The following ZC2HC1B variants were observed in gnomAD, a reference collection of about 807,000 sequenced individuals.
The protein encoded by ZC2HC1B is zinc finger C2HC domain-containing protein 1B.
Under a neutral mutation model 31.0 loss-of-function variants are expected in ZC2HC1B, and 36 were observed. The ratio of observed to expected loss-of-function variants is 1.16; its 90% CI spans 0.89 to 1.54. The LOEUF (loss-of-function observed/expected upper bound fraction) is 1.54, where lower values mean the gene tolerates loss of function less well. Ranked by LOEUF, ZC2HC1B falls within the 40% of genes most tolerant of loss-of-function variation. The pLI, the probability that ZC2HC1B is intolerant of heterozygous loss-of-function variation, is 0.00. For missense variants in ZC2HC1B, 260 were observed against 268.6 expected (o/e 0.97, Z 0.22); for synonymous variants, 73 against 88.0 (o/e 0.83, Z 0.95).
intron 6 of ZC2HC1B, among the ~76,000 whole-genome samples, chr6:143,916,425 A>G (rs1393905146): frequency 3.3e-5 from 5 of 152,222 alleles, no homozygotes; most frequent in Non-Finnish European, 5.9e-5. Flanking sequence ...GCCCCCACAC[A>G]GAGTCCCTAC....
intron 1 of ZC2HC1B, among the ~76,000 whole-genome samples, chr6:143,879,742 A>G (rs2128493627): frequency 6.6e-6 from 1 of 150,588 alleles, no homozygotes; most frequent in South Asian, 2.1e-4. Context: ...TTCAATTTTA[A>G]TCTAACCCTA....
At chr6:143,912,407 C>T (rs183680599) in intron 6 of ZC2HC1B, among the ~76,000 whole-genome samples, 10 of 152,222 alleles carry the variant, frequency 6.6e-5, no homozygotes, top group Admixed American at 6.5e-4. Flanking sequence ...GGCTTATCTA[C>T]CTTTGATTTT....
chr6:143,907,995 T>G (rs1269113316), intron 6 of ZC2HC1B, among the ~76,000 whole-genome samples: 1 of 152,216 alleles, frequency 6.6e-6, no homozygotes, highest in Non-Finnish European at 1.5e-5. Context: ...TCTCTGCATA[T>G]GGCTGGCCAG....
At chr6:143,912,861 T>C (rs748900874) in intron 6 of ZC2HC1B, among the ~76,000 whole-genome samples, 1 of 151,996 alleles carries the variant, frequency 6.6e-6, no homozygotes, top group Non-Finnish European at 1.5e-5. Flanking sequence ...AATGGCCAAG[T>C]TGGCAGCCTG....
rs530746682 is a variant in ZC2HC1B at position 143,869,443 on chromosome 6, C to G, written c.28+4876C>G. 6.6e-6 allele frequency among the ~76,000 whole-genome samples: 1 copy of G among 152,206 alleles called. No individual in the cohort carries two copies. The highest frequency in any genetic ancestry group is 2.4e-5 in the African/African-American group (1 of 41,454). ...TGGTGAGACCAGTGAATTCCATGAG[C>G]ATGCGCCCACTGCTGCACTTCTTTA... On this transcript the variant is annotated intron_variant, in intron 1 of 7. Transcript: ENST00000237275. This position sits in a 1 kb window ranked among gnomAD's most constrained non-coding sequence, Gnocchi z 5.2.
At position 143,886,090 on chromosome 6, in the gene ZC2HC1B, CTTTGA is replaced by C. The variant is rs1777528123; in HGVS notation, c.150_154del (p.Leu51AlafsTer7). 6.5e-7 allele frequency: 1 copy of C among 1,549,118 alleles called. No individual in the cohort carries two copies. Among genetic ancestry groups the C allele is most frequent in the Non-Finnish European group, 8.7e-7 (1 of 1,146,196 alleles). On this transcript the variant is annotated frameshift_variant, in exon 3 of 8. Transcript: ENST00000237275. LOFTEE classifies it high-confidence loss of function. The surrounding 1 kb of genome is among the most constrained non-coding windows in gnomAD (Gnocchi z 4.2). ...AACAGAAAGCGTAAACCTTTCAGTT[CTTTGA>C]AGCAAAGATTACAGGGCACTGACAT...
chr6:143,926,957 C>CCCGCCACCGCGA (rs1231402803), intron 6 of ZC2HC1B, among the ~76,000 whole-genome samples: 1 of 133,872 alleles, frequency 7.5e-6, no homozygotes, highest in Non-Finnish European at 1.6e-5. Flanking sequence ...ACTACAGGCG[C>CCCGCCACCGCGA]CCGGCTAATT....
At chr6:143,900,354 C>T (rs1436077382) in intron 5 of ZC2HC1B, among the ~76,000 whole-genome samples, 1 of 146,984 alleles carries the variant, frequency 6.8e-6, no homozygotes, top group African/African-American at 2.5e-5. Flanking sequence ...CATGCCATTG[C>T]ACTCCAGCCT....
At chr6:143,891,684 ACT>A (rs1170101566) in intron 4 of ZC2HC1B, among the ~76,000 whole-genome samples, 3 of 149,380 alleles carry the variant, frequency 2.0e-5, no homozygotes, top group South Asian at 2.1e-4. Flanking sequence ...CAAGAGCGAA[ACT>A]CTGTCTCAAA....
intron 4 of ZC2HC1B, among the ~76,000 whole-genome samples, chr6:143,891,878 G>A (rs1243129051): frequency 1.3e-5 from 2 of 150,954 alleles, no homozygotes; most frequent in African/African-American, 2.5e-5. Context: ...AACTTGGTAT[G>A]GTGTATCAAT....
intron 4 of ZC2HC1B, among the ~76,000 whole-genome samples, chr6:143,894,581 T>C (rs1777640578): frequency 6.6e-6 from 1 of 152,158 alleles, no homozygotes; most frequent in Non-Finnish European, 1.5e-5. Context: ...TACCAGAAAA[T>C]AATCCTCATA....
intron 1 of ZC2HC1B, among the ~76,000 whole-genome samples, chr6:143,874,023 A>G (rs1777377420): frequency 6.6e-6 from 1 of 152,132 alleles, no homozygotes; most frequent in African/African-American, 2.4e-5. Flanking sequence ...TTTATCGTCT[A>G]TTTCCCTTTT....
intron 6 of ZC2HC1B, among the ~76,000 whole-genome samples, chr6:143,932,489 T>C (rs1441403680): frequency 1.3e-5 from 2 of 152,238 alleles, no homozygotes; most frequent in African/African-American, 4.8e-5. Context: ...TAAGTGTGTC[T>C]TTCATTTCCA....
rs1777300598 is a variant in ZC2HC1B at position 143,868,693 on chromosome 6, A to G, written c.28+4126A>G. 6.6e-6 allele frequency among the ~76,000 whole-genome samples: 1 copy of G among 152,160 alleles called. No individual in the cohort carries two copies. The highest frequency in any genetic ancestry group is 2.4e-5 in the African/African-American group (1 of 41,432). On this transcript the variant is annotated intron_variant, in intron 1 of 7. Coordinates refer to ENST00000237275, the MANE Select transcript of ZC2HC1B (RefSeq NM_001013623.3). This position sits in a 1 kb window ranked among gnomAD's most constrained non-coding sequence, Gnocchi z 4.2. ...ACAAGTCTACCTCTTGTCAACTTCA[A>G]CCCATACCCATCTCCTGAGATCATA...
chr6:143,894,924 A>C (rs972990271), intron 4 of ZC2HC1B, among the ~76,000 whole-genome samples: 2 of 152,160 alleles, frequency 1.3e-5, no homozygotes, highest in African/African-American at 4.8e-5. Context: ...CTCTAAAAAA[A>C]ATTCCTTTTG....
At chr6:143,896,556 AC>A (rs1203713900) in intron 4 of ZC2HC1B, among the ~76,000 whole-genome samples, 1 of 152,204 alleles carries the variant, frequency 6.6e-6, no homozygotes, top group African/African-American at 2.4e-5. Flanking sequence ...GTAGTTGGAA[AC>A]ACAACCTTGC....
intron 4 of ZC2HC1B, among the ~76,000 whole-genome samples, chr6:143,890,183 T>C (rs1777579467): frequency 6.6e-6 from 1 of 152,028 alleles, no homozygotes; most frequent in Non-Finnish European, 1.5e-5. Flanking sequence ...GCTTTAAATG[T>C]TTATAATAGA....
rs1282240510 is a variant in ZC2HC1B at position 143,922,938 on chromosome 6, T to G, written c.599-14711T>G. 6.6e-6 allele frequency among the ~76,000 whole-genome samples: 1 copy of G among 152,164 alleles called. No homozygotes were observed. Among genetic ancestry groups the G allele is most frequent in the African/African-American group, 2.4e-5 (1 of 41,450 alleles). ...GTTGAGGAAACTTCATTCTGTCTTCTGCAAGGGCTGTACTAATTTACTTTC... is the reference window on the plus strand; with the variant it reads ...GTTGAGGAAACTTCATTCTGTCTTCGGCAAGGGCTGTACTAATTTACTTTC... On this transcript the variant is annotated intron_variant, in intron 6 of 7. Coordinates refer to ENST00000237275, the MANE Select transcript of ZC2HC1B (RefSeq NM_001013623.3). This position sits in a 1 kb window ranked among gnomAD's most constrained non-coding sequence, Gnocchi z 5.0.
At chr6:143,875,823 C>A (rs1419547943) in intron 1 of ZC2HC1B, among the ~76,000 whole-genome samples, 2 of 150,474 alleles carry the variant, frequency 1.3e-5, no homozygotes, top group African/African-American at 4.9e-5. Flanking sequence ...TCAGGCAGCA[C>A]AGGGTTTATC....
Sources: gnomAD v4.1 joint callset for allele counts (sites outside exome capture counted in the v4.1 genomes callset) on GRCh38, gnomAD v4.1.1 for gene constraint, Gnocchi (gnomAD v3.1) non-coding constraint, MANE v1.5 for transcripts, NCBI Gene and HGNC (gene_info 2026-07-23, HGNC 2026-07-21) for gene names.